The following EXT1 variants were observed in gnomAD, a reference collection of about 807,000 sequenced individuals.
The protein encoded by EXT1 is exostosin glycosyltransferase 1.
In EXT1, 20 loss-of-function variants were observed where a neutral mutation model predicts 82.5. The ratio of observed to expected loss-of-function variants is 0.24; its 90% CI spans 0.17 to 0.35. EXT1 has a LOEUF of 0.35. Ranked by LOEUF, EXT1 falls within the 10% of genes least tolerant of loss-of-function variation. EXT1 has a pLI of 1.00. For synonymous variants in EXT1, 348 were observed against 350.8 expected, an observed-to-expected ratio of 0.99 and a Z score of 0.09; for missense variants, 757 against 936.5, an observed-to-expected ratio of 0.81 and a Z score of 2.50.
At chr8:118,016,620 T>TAA (rs1483021509) in intron 1 of EXT1, among the ~76,000 whole-genome samples, 3 of 152,184 alleles carry the variant, frequency 2.0e-5, no homozygotes, top group African/African-American at 7.2e-5. Context: ...TGGAAGACTT[T>TAA]GTCCCGGCTG....
chr8:118,079,216 T>C (rs998270129), intron 1 of EXT1, among the ~76,000 whole-genome samples: 2 of 152,208 alleles, frequency 1.3e-5, no homozygotes, highest in African/African-American at 4.8e-5. Flanking sequence ...ACTGAAATAT[T>C]AAGGAAATTT....
At chr8:117,941,557 C>T (rs947673327) in intron 1 of EXT1, among the ~76,000 whole-genome samples, 2 of 152,200 alleles carry the variant, frequency 1.3e-5, no homozygotes, top group Admixed American at 1.3e-4. Flanking sequence ...AAGGCAAACC[C>T]AGGCATTCGC....
chr8:117,995,578 G>T (rs755301902), intron 1 of EXT1, among the ~76,000 whole-genome samples: 1 of 151,978 alleles, frequency 6.6e-6, no homozygotes, highest in Non-Finnish European at 1.5e-5. Context: ...GGCATCCCCA[G>T]GAAAAGCTTA....
chr8:118,066,917 A>G (rs1278612208), intron 1 of EXT1, among the ~76,000 whole-genome samples: 1 of 152,226 alleles, frequency 6.6e-6, no homozygotes, highest in Non-Finnish European at 1.5e-5. Flanking sequence ...TAAAAAATTA[A>G]AAGCTAATAT....
intron 1 of EXT1, among the ~76,000 whole-genome samples, chr8:118,038,045 C>T (rs1816458445): frequency 1.3e-5 from 2 of 151,904 alleles, no homozygotes; most frequent in African/African-American, 4.8e-5. Context: ...AGGGTAGTCT[C>T]GAACTCCTGA....
intron 1 of EXT1, among the ~76,000 whole-genome samples, chr8:118,079,760 C>T (rs1817277844): frequency 6.8e-6 from 1 of 146,332 alleles, no homozygotes; most frequent in South Asian, 2.2e-4. Flanking sequence ...TATGTTCTAT[C>T]TTGCACTTCA....
Position 117,819,670 on chromosome 8 carries a change from G to A in EXT1, c.1536+6C>T, listed in dbSNP as rs765347315. ...GCAGGGGCTTCTCTGTCAACTTCCCGCTCACCTGGGCACAGTACTGGGACT... is the reference window on the plus strand; with the variant it reads ...GCAGGGGCTTCTCTGTCAACTTCCCACTCACCTGGGCACAGTACTGGGACT... On this transcript the variant is annotated splice_donor_region_variant and intron_variant, in intron 6 of 10. Coordinates refer to ENST00000378204, the MANE Select transcript of EXT1 (RefSeq NM_000127.3). The A allele has an allele frequency of 4.5e-5, 73 of 1,610,772 alleles. No homozygotes were observed. Among genetic ancestry groups the A allele is most frequent in the Non-Finnish European group, 5.7e-5 (67 of 1,178,780 alleles).
At chr8:118,015,026 A>G (rs575643107) in intron 1 of EXT1, among the ~76,000 whole-genome samples, 2 of 152,326 alleles carry the variant, frequency 1.3e-5, no homozygotes, top group African/African-American at 4.8e-5. Flanking sequence ...ATAAAACCCC[A>G]TTCAATTATT....
chr8:118,001,854 G>A (rs1815674012), intron 1 of EXT1, among the ~76,000 whole-genome samples: 1 of 152,098 alleles, frequency 6.6e-6, no homozygotes, highest in South Asian at 2.1e-4. Context: ...TGCATTTGGG[G>A]CTACACTTAG....
intron 1 of EXT1, among the ~76,000 whole-genome samples, chr8:117,961,749 A>T (rs1471717518): frequency 6.6e-6 from 1 of 152,244 alleles, no homozygotes; most frequent in Non-Finnish European, 1.5e-5. Flanking sequence ...AGAACATTCA[A>T]GAGAAACTTC....
At chr8:118,076,629 C>A (rs1817217251) in intron 1 of EXT1, among the ~76,000 whole-genome samples, 1 of 152,226 alleles carries the variant, frequency 6.6e-6, no homozygotes, top group South Asian at 2.1e-4. Flanking sequence ...CCAATCCCTG[C>A]CACAAGTGCT....
intron 1 of EXT1, among the ~76,000 whole-genome samples, chr8:118,087,725 T>C (rs1204468026): frequency 6.6e-6 from 1 of 152,138 alleles, no homozygotes; most frequent in Admixed American, 6.5e-5. Context: ...ATGCATGTAA[T>C]TGGGAAGCAT....
At chr8:117,872,939 A>G (rs192487173) in intron 1 of EXT1, among the ~76,000 whole-genome samples, 1 of 152,312 alleles carries the variant, frequency 6.6e-6, no homozygotes, top group East Asian at 1.9e-4. Context: ...GGGAGAAGTT[A>G]AAGAGAAAGA....
intron 8 of EXT1, among the ~76,000 whole-genome samples, chr8:117,811,738 T>C (rs1237491636): frequency 2.0e-5 from 3 of 152,078 alleles, no homozygotes; most frequent in Non-Finnish European, 4.4e-5. Context: ...TGCCTCAGCT[T>C]CCCGAGTAGC....
chr8:118,076,693 G>C (rs1817218467), intron 1 of EXT1, among the ~76,000 whole-genome samples: 2 of 152,178 alleles, frequency 1.3e-5, no homozygotes, highest in Admixed American at 1.3e-4. Context: ...AGAAGGGTCT[G>C]CCGAGTGAAT....
chr8:118,023,636 A>C (rs1477027715), intron 1 of EXT1, among the ~76,000 whole-genome samples: 1 of 152,244 alleles, frequency 6.6e-6, no homozygotes, highest in African/African-American at 2.4e-5. Context: ...CTGTACGTAG[A>C]AATTAATCTT....
chr8:117,964,782 C>A (rs1034643539), intron 1 of EXT1, among the ~76,000 whole-genome samples: 1 of 152,050 alleles, frequency 6.6e-6, no homozygotes, highest in Non-Finnish European at 1.5e-5. Context: ...GGATTACAGG[C>A]GTGTGCCACC....
At chr8:117,885,944 T>TGGTG (rs1705605218) in intron 1 of EXT1, among the ~76,000 whole-genome samples, 1 of 152,152 alleles carries the variant, frequency 6.6e-6, no homozygotes, top group Non-Finnish European at 1.5e-5. Context: ...TCCTAGAGTA[T>TGGTG]GGTGGAATGA....
chr8:118,039,405 C>CA (rs1226963923), intron 1 of EXT1, among the ~76,000 whole-genome samples: 1 of 151,664 alleles, frequency 6.6e-6, no homozygotes, highest in Non-Finnish European at 1.5e-5. Flanking sequence ...ACTAAAAATA[C>CA]AAAAATTGGC....
Sources: gnomAD v4.1 joint callset for allele counts (sites outside exome capture counted in the v4.1 genomes callset) on GRCh38, gnomAD v4.1.1 for gene constraint, MANE v1.5 for transcripts, NCBI Gene and HGNC (gene_info 2026-07-23, HGNC 2026-07-21) for gene names.